FOXD1: variants seen among roughly 807,000 people sequenced by gnomAD.
FOXD1 encodes forkhead box D1.
Under a neutral mutation model 2.0 loss-of-function variants are expected in FOXD1, and 4 were observed. That is an observed-to-expected ratio of 2.03 (90% confidence interval 1.00 to 4.64). FOXD1 has a LOEUF of 4.64. FOXD1 is among the 30% of genes most tolerant of loss of function. FOXD1 has a pLI of 0.01. For missense variants in FOXD1, 586 were observed against 647.6 expected, an observed-to-expected ratio of 0.90 and a Z score of 1.03; for synonymous variants, 354 against 328.5, an observed-to-expected ratio of 1.08 and a Z score of -0.84.
chr5:73,448,459 G>C lies in FOXD1; in HGVS notation c.-97C>G. Reference sequence around the variant, plus strand: ...GGGTCCCGGGCGGCAGGCCCGGCCGGGGGGCGCCACGCTGGGGGCGCTGCG... The same window carrying C: ...GGGTCCCGGGCGGCAGGCCCGGCCGCGGGGCGCCACGCTGGGGGCGCTGCG... On this transcript the variant is annotated 5_prime_UTR_variant, in exon 1 of 1. Coordinates refer to ENST00000615637, the MANE Select transcript of FOXD1 (RefSeq NM_004472.3). The C allele has an allele frequency of 5.2e-6, 4 of 774,650 alleles. No homozygotes were observed. Among genetic ancestry groups the C allele is most frequent in the Non-Finnish European group, 6.3e-6 (4 of 634,288 alleles). 48.0% of individuals were successfully genotyped at this position (774,650 alleles called of 1,614,324 possible).
Position 73,446,900 on chromosome 5 carries a change from C to A in FOXD1, c.*65G>T, listed in dbSNP as rs1353309509. 2 of 1,386,166 alleles carry A rather than the reference C, an allele frequency of 1.4e-6. No individual in the cohort carries two copies. Among genetic ancestry groups the A allele is most frequent in the South Asian group, 1.2e-5 (1 of 80,992 alleles). The allele number at this position is 1,386,166 out of a possible 1,614,324, so 85.9% of individuals were successfully genotyped here. On this transcript the variant is annotated 3_prime_UTR_variant, in exon 1 of 1. Transcript: ENST00000615637. ...CTGGAGGAGCGAACAAAACACCGAA[C>A]CACCAAGACGAGAAAAGGAGCCGGG...
chr5:73,446,445 T>C lies in FOXD1; in HGVS notation c.*520A>G, dbSNP rs947222250. The C allele has an allele frequency of 1.9e-5, 3 of 155,790 alleles. No individual in the cohort carries two copies. The highest frequency in any genetic ancestry group is 7.2e-5 in the African/African-American group (3 of 41,464). The allele number at this position is 155,790 out of a possible 1,614,324, so 9.7% of individuals were successfully genotyped here. A position where few individuals can be genotyped will look rare whatever the true frequency, so the allele number is the denominator to read the frequency against. ...ACACAGGTTGAAATAAATGATAATTTTGACTTTTTTTCTTGTGTAAACATG... is the reference window on the plus strand; with the variant it reads ...ACACAGGTTGAAATAAATGATAATTCTGACTTTTTTTCTTGTGTAAACATG... On this transcript the variant is annotated 3_prime_UTR_variant, in exon 1 of 1. Coordinates refer to ENST00000615637, the MANE Select transcript of FOXD1 (RefSeq NM_004472.3).
rs909707848 is a variant in FOXD1 at position 73,447,598 on chromosome 5, G to A, written c.765C>T (p.Ala255=). The part of the protein sequence containing the change: ...AGGAGDPAAA[A]ALFPPAPPPP... ...GCGGGGGCGCGGGCGGGAAGAGCGC[G>A]GCGGCGGCTGCCGGGTCGCCCGCGC... Residue 255 remains alanine (A), a synonymous_variant, in exon 1 of 1, where the codon GCC becomes GCT. Coordinates refer to ENST00000615637, the MANE Select transcript of FOXD1 (RefSeq NM_004472.3). This position sits in a 1 kb window ranked among gnomAD's most constrained non-coding sequence, Gnocchi z 7.8. 1.7e-6 allele frequency: 2 copies of A among 1,190,198 alleles called. No homozygotes were observed. The highest frequency in any genetic ancestry group is 3.2e-5 in the African/African-American group (2 of 61,616). The allele number at this position is 1,190,198 out of a possible 1,614,324, so 73.7% of individuals were successfully genotyped here.
Position 73,447,091 on chromosome 5 carries a change from T to C in FOXD1, c.1272A>G (p.Arg424=). ...CGGCGGCCGCGGCGGCCACGAGGGA[T>C]CGGGTGAGCGCGGCCGCCGGGCCCA... ...AAVGPAAALT[R]SLVAAAAAAA... The change falls in exon 1 of 1, where the codon CGA becomes CGG. Residue 424 remains arginine, a synonymous_variant. Transcript: ENST00000615637. This position sits in a 1 kb window ranked among gnomAD's most constrained non-coding sequence, Gnocchi z 7.8. 2.8e-6 allele frequency: 4 copies of C among 1,449,438 alleles called. No individual in the cohort carries two copies. The highest frequency in any genetic ancestry group is 3.6e-6 in the Non-Finnish European group (4 of 1,100,422). 89.8% of individuals were successfully genotyped at this position (1,449,438 alleles called of 1,614,324 possible).
Position 73,448,368 on chromosome 5 carries a change from TGGCGCGGCGGC to T in FOXD1, c.-17_-7del. On this transcript the variant is annotated 5_prime_UTR_variant, in exon 1 of 1. Coordinates refer to ENST00000615637, the MANE Select transcript of FOXD1 (RefSeq NM_004472.3). ...ATCTCAGTGCTCAGGGTCATAGCTGTGGCGCGGCGGCGGCGGGGCGGCGCATGGGGGCGCCG... is the reference window on the plus strand; with the variant it reads ...ATCTCAGTGCTCAGGGTCATAGCTGTGGCGGGGCGGCGCATGGGGGCGCCG... 5.6e-6 allele frequency: 7 copies of T among 1,248,886 alleles called. No homozygotes were observed. The highest frequency in any genetic ancestry group is 7.1e-6 in the Non-Finnish European group (7 of 981,276). 77.4% of individuals were successfully genotyped at this position (1,248,886 alleles called of 1,614,324 possible). A position where few individuals can be genotyped will look rare whatever the true frequency, so the allele number is the denominator to read the frequency against.
chr5:73,446,847 G>T lies in FOXD1; in HGVS notation c.*118C>A. The T allele has an allele frequency of 2.3e-6, 2 of 887,166 alleles. No homozygotes were observed. Among genetic ancestry groups the T allele is most frequent in the Non-Finnish European group, 1.7e-6 (1 of 585,038 alleles). The allele number at this position is 887,166 out of a possible 1,614,324, so 55.0% of individuals were successfully genotyped here. A position where few individuals can be genotyped will look rare whatever the true frequency, so the allele number is the denominator to read the frequency against. ...TCCGAGAATTCGCAGCGGCGAAAAT[G>T]GGCGCGCGAGGTCGAGAGGGGCCGC... is the stretch of plus-strand genomic sequence containing the variant. On this transcript the variant is annotated 3_prime_UTR_variant, in exon 1 of 1. Transcript: ENST00000615637.
chr5:73,448,221 C>T lies in FOXD1; in HGVS notation c.142G>A (p.Val48Ile). 3 of 1,481,318 alleles carry T rather than the reference C, an allele frequency of 2.0e-6. No homozygotes were observed. The highest frequency in any genetic ancestry group is 1.8e-4 in the Middle Eastern group (1 of 5,490). 91.8% of individuals were successfully genotyped at this position (1,481,318 alleles called of 1,614,324 possible). A position where few individuals can be genotyped will look rare whatever the true frequency, so the allele number is the denominator to read the frequency against. Residue 48 changes from valine (V) to isoleucine (I), a missense_variant, in exon 1 of 1, where the codon GTC becomes ATC. Transcript: ENST00000615637. ...EGGGGGPRLAVPAQRRRRRRS... is the reference protein window; with the variant it reads ...EGGGGGPRLAIPAQRRRRRRS... ...CGCCGCCGCCGCCGCTGCGCGGGGA[C>T]AGCCAGCCGGGGCCCGCCACCGCCG... is the stretch of plus-strand genomic sequence containing the variant.
rs1745498761 is a variant in FOXD1, at chr5:73,446,576, T to C, written c.*389A>G. On this transcript the variant is annotated 3_prime_UTR_variant, in exon 1 of 1. Transcript: ENST00000615637. ...CAAGACCTTTACTATTTTTGTATTATTCTTTTGACCATTATTTTTTAACGC... is the reference window on the plus strand; with the variant it reads ...CAAGACCTTTACTATTTTTGTATTACTCTTTTGACCATTATTTTTTAACGC... 5.4e-6 allele frequency: 1 copy of C among 184,298 alleles called. No individual in the cohort carries two copies. Among genetic ancestry groups the C allele is most frequent in the African/African-American group, 2.4e-5 (1 of 41,674 alleles). 11.4% of individuals were successfully genotyped at this position (184,298 alleles called of 1,614,324 possible). A position where few individuals can be genotyped will look rare whatever the true frequency, so the allele number is the denominator to read the frequency against.
Position 73,446,953 on chromosome 5 carries a change from A to C in FOXD1, c.*12T>G, listed in dbSNP as rs183674275. The C allele has an allele frequency of 6.5e-7, 1 of 1,540,842 alleles. No individual in the cohort carries two copies. Among genetic ancestry groups the C allele is most frequent in the East Asian group, 2.5e-5 (1 of 40,458 alleles). On this transcript the variant is annotated 3_prime_UTR_variant, in exon 1 of 1. Coordinates refer to ENST00000615637, the MANE Select transcript of FOXD1 (RefSeq NM_004472.3). ...TCCTACCTTCTTCCTCGAGCGCGCT[A>C]ACATAGCGTTATTAACAATTGGAAA...
chr5:73,448,254 C>T lies in FOXD1; in HGVS notation c.109G>A (p.Asp37Asn). The change falls in exon 1 of 1, where the codon GAC (aspartate) becomes AAC (asparagine). Residue 37 changes from aspartate (D) to asparagine (N), a missense_variant. Transcript: ENST00000615637. Reference protein sequence around the residue: ...DEEDEEEEDDDEGGGGGPRLA... With the variant: ...DEEDEEEEDDNEGGGGGPRLA... Reference sequence around the variant, plus strand: ...CGGGGCCCGCCACCGCCGCCCTCGTCGTCGTCCTCCTCTTCCTCGTCTTCT... The same window carrying T: ...CGGGGCCCGCCACCGCCGCCCTCGTTGTCGTCCTCCTCTTCCTCGTCTTCT... The T allele has an allele frequency of 1.3e-6, 2 of 1,481,990 alleles. No homozygotes were observed. Among genetic ancestry groups the T allele is most frequent in the Non-Finnish European group, 1.8e-6 (2 of 1,109,272 alleles). 91.8% of individuals were successfully genotyped at this position (1,481,990 alleles called of 1,614,324 possible).
In FOXD1 at chr5:73,447,042, C is replaced by A. The variant is rs1351311017; in HGVS notation, c.1321G>T (p.Ala441Ser). ...AAAASSVSSS[A>S]ALGTLHQGTA... The stretch of plus-strand genomic sequence containing the variant: ...CCTTGGTGCAGAGTCCCCAAGGCGG[C>A]GGACGAGGAGACTGAGGAGGCGGCG... The change falls in exon 1 of 1, where the codon GCC (alanine) becomes TCC (serine). Residue 441 changes from alanine (A) to serine (S), a missense_variant. Physicochemically the swap from Ala to Ser is moderately conservative, Grantham distance 99. Around this residue, in one of 4 missense-constraint regions of FOXD1, gnomAD observed 46 missense variants for 78.6 expected, o/e 0.58. Coordinates refer to ENST00000615637, the MANE Select transcript of FOXD1 (RefSeq NM_004472.3). This position sits in a 1 kb window ranked among gnomAD's most constrained non-coding sequence, Gnocchi z 7.8. 3.3e-6 allele frequency: 5 copies of A among 1,535,338 alleles called. No individual in the cohort carries two copies. In the Admixed American group the frequency reaches 8.0e-5, roughly 25 times the overall value.
At position 73,446,890 on chromosome 5, in the gene FOXD1, A is replaced by C. The variant is rs970688383; in HGVS notation, c.*75T>G. On this transcript the variant is annotated 3_prime_UTR_variant, in exon 1 of 1. Coordinates refer to ENST00000615637, the MANE Select transcript of FOXD1 (RefSeq NM_004472.3). ...GGGGCCGCGCCTGGAGGAGCGAACA[A>C]AACACCGAACCACCAAGACGAGAAA... 3.7e-6 allele frequency: 5 copies of C among 1,341,612 alleles called. No homozygotes were observed. In the African/African-American group the frequency reaches 7.4e-5, roughly 20 times the overall value. The allele number at this position is 1,341,612 out of a possible 1,614,324, so 83.1% of individuals were successfully genotyped here. A position where few individuals can be genotyped will look rare whatever the true frequency, so the allele number is the denominator to read the frequency against.
In FOXD1 at chr5:73,448,030, G is replaced by T. The variant is rs756777009; in HGVS notation, c.333C>A (p.Gly111=). The change falls in exon 1 of 1, where the codon GGC becomes GGA. Residue 111 remains glycine, a synonymous_variant. Coordinates refer to ENST00000615637, the MANE Select transcript of FOXD1 (RefSeq NM_004472.3). The part of the protein sequence containing the change: ...GGGGGGGGAG[G]GGSAGSGAKN... The stretch of plus-strand genomic sequence containing the variant: ...TGGCGCCGCTACCCGCGCTCCCGCC[G>T]CCGCCCGCGCCGCCGCCGCCGCCGC... The T allele has an allele frequency of 1.8e-5, 24 of 1,305,940 alleles. No individual in the cohort carries two copies. Among genetic ancestry groups the T allele is most frequent in the Non-Finnish European group, 2.4e-5 (24 of 1,021,184 alleles). The allele number at this position is 1,305,940 out of a possible 1,614,324, so 80.9% of individuals were successfully genotyped here.
chr5:73,447,193 G>A lies in FOXD1; in HGVS notation c.1170C>T (p.Ala390=). ...AAAQAAAAAQ[A]SPSPSPVAAP... is the part of the protein sequence containing the mutation. ...CCGCCACCGGCGAGGGCGAGGGCGA[G>A]GCCTGAGCGGCGGCGGCGGCCTGCG... Residue 390 remains alanine, a synonymous_variant, in exon 1 of 1, where the codon GCC becomes GCT. Coordinates refer to ENST00000615637, the MANE Select transcript of FOXD1 (RefSeq NM_004472.3). This position sits in a 1 kb window ranked among gnomAD's most constrained non-coding sequence, Gnocchi z 7.8. 8 of 1,005,054 alleles carry A rather than the reference G, an allele frequency of 8.0e-6. No homozygotes were observed. The highest frequency in any genetic ancestry group is 9.5e-6 in the Non-Finnish European group (8 of 845,992). 62.3% of individuals were successfully genotyped at this position (1,005,054 alleles called of 1,614,324 possible). A position where few individuals can be genotyped will look rare whatever the true frequency, so the allele number is the denominator to read the frequency against.
At position 73,448,052 on chromosome 5, in the gene FOXD1, C is replaced by CCCG; in HGVS notation, c.310_311insCGG (p.Gly103_Gly104insAla). On this transcript the variant is annotated inframe_insertion, in exon 1 of 1. Transcript: ENST00000615637. ...GCCGCCGCCCGCGCCGCCGCCGCCG[C>CCCG]CGCCCCCACCGGCTCCTGCCCCCGC... The CCCG allele has an allele frequency of 8.2e-7, 1 of 1,221,564 alleles. No homozygotes were observed. Among genetic ancestry groups the CCCG allele is most frequent in the East Asian group, 3.7e-5 (1 of 26,936 alleles). The allele number at this position is 1,221,564 out of a possible 1,614,324, so 75.7% of individuals were successfully genotyped here.
Position 73,448,298 on chromosome 5 carries a change from A to C in FOXD1, c.65T>G (p.Val22Gly). 2.8e-6 allele frequency: 4 copies of C among 1,452,494 alleles called. No homozygotes were observed. The highest frequency in any genetic ancestry group is 1.3e-5 in the South Asian group (1 of 77,760). The allele number at this position is 1,452,494 out of a possible 1,614,324, so 90.0% of individuals were successfully genotyped here. Residue 22 changes from valine (V) to glycine (G), a missense_variant, in exon 1 of 1, where the codon GTG becomes GGG. This residue lies in a region of FOXD1 where 183 missense variants were observed against 159.2 expected (regional missense o/e 1.15). Transcript: ENST00000615637. ...GLAEETDIDV[V>G]GEGEDEEDEE... is the part of the protein sequence containing the mutation. ...GTCTTCTTCGTCCTCGCCCTCCCCC[A>C]CCACGTCGATGTCTGTTTCCTCGGC...
In FOXD1 at chr5:73,447,361, G is replaced by A. The variant is rs1745522308; in HGVS notation, c.1002C>T (p.Leu334=). 2 of 983,174 alleles carry A rather than the reference G, an allele frequency of 2.0e-6. No individual in the cohort carries two copies. The highest frequency in any genetic ancestry group is 2.4e-6 in the Non-Finnish European group (2 of 829,900). 60.9% of individuals were successfully genotyped at this position (983,174 alleles called of 1,614,324 possible). Residue 334 remains leucine, a synonymous_variant, in exon 1 of 1, where the codon CTC becomes CTT. Transcript: ENST00000615637. The surrounding 1 kb of genome is among the most constrained non-coding windows in gnomAD (Gnocchi z 7.8). ...GCAGGGGGCCGGGTAGGGCGGCGCCGAGCGGGTGCGGCCGGTAGCCGAAGG... is the reference window on the plus strand; with the variant it reads ...GCAGGGGGCCGGGTAGGGCGGCGCCAAGCGGGTGCGGCCGGTAGCCGAAGG... The part of the protein sequence containing the change: ...RTAFGYRPHP[L]GAALPGPLPA...
chr5:73,446,680 T>C lies in FOXD1; in HGVS notation c.*285A>G. 5.4e-6 allele frequency: 2 copies of C among 372,406 alleles called. No homozygotes were observed. The highest frequency in any genetic ancestry group is 4.9e-5 in the South Asian group (2 of 40,744). 23.1% of individuals were successfully genotyped at this position (372,406 alleles called of 1,614,324 possible). On this transcript the variant is annotated 3_prime_UTR_variant, in exon 1 of 1. Transcript: ENST00000615637. ...AAACGTCAAGGGAGCCTCTAGTGCC[T>C]GGACAGGGCGGACTCCCTTCCCCGG...
rs750578392 is a variant in FOXD1 at position 73,448,192 on chromosome 5, G to GCGCCGC, written c.165_170dup (p.Arg56_Arg57dup). ...CCAGCTCGTCCTCCCCGGCGTACGA[G>GCGCCGC]CGCCGCCGCCGCCGCCGCTGCGCGG... On this transcript the variant is annotated inframe_insertion, in exon 1 of 1. Transcript: ENST00000615637. 1.0e-3 allele frequency: 1,478 copies of GCGCCGC among 1,450,426 alleles called. 1 individual carries two copies. Among genetic ancestry groups the GCGCCGC allele is most frequent in the Non-Finnish European group, 1.2e-3 (1,367 of 1,096,018 alleles). 89.8% of individuals were successfully genotyped at this position (1,450,426 alleles called of 1,614,324 possible). A position where few individuals can be genotyped will look rare whatever the true frequency, so the allele number is the denominator to read the frequency against.
Sources: gnomAD v4.1 joint callset for allele counts on GRCh38, gnomAD v4.1.1 for gene constraint, gnomAD v4.1.1 regional missense constraint, Gnocchi (gnomAD v3.1) non-coding constraint, MANE v1.5 for transcripts, NCBI Gene and HGNC (gene_info 2026-07-23, HGNC 2026-07-21) for gene names.